Variants in CASD1 observed in about 807,000 individuals in gnomAD.
CASD1 encodes CAS1 domain sialic acid O acetyltransferase 1, also known as N-acetylneuraminate (7)9-O-acetyltransferase.
CASD1 carries 41 observed loss-of-function variants against 100.0 expected under a neutral mutation model. That is an observed-to-expected ratio of 0.41 (90% CI 0.32 to 0.53). The LOEUF (loss-of-function observed/expected upper bound fraction) is 0.53. Ranked by LOEUF, CASD1 falls within the 20% of genes least tolerant of loss-of-function variation. The pLI is 0.25. For synonymous variants in CASD1, 321 were observed against 315.6 expected, an observed-to-expected ratio of 1.02 and a Z score of -0.18; for missense variants, 774 against 948.7, an observed-to-expected ratio of 0.82 and a Z score of 2.42.
chr7:94,611,283 A>C, the CASD1 span, among the ~76,000 whole-genome samples: 1 of 152,244 alleles, frequency 6.6e-6, no homozygotes, highest in African/African-American at 2.4e-5. Context: ...AAAAGATGGC[A>C]TATCCATAAA....
intron 12 of CASD1, among the ~76,000 whole-genome samples, chr7:94,545,927 T>G (rs1166624242): frequency 6.6e-6 from 1 of 151,926 alleles, no homozygotes. Flanking sequence ...TTATATGTGT[T>G]TTTTCTTTTT....
At chr7:94,553,296 T>TA (rs778377629) in intron 16 of CASD1, 7 of 168,920 alleles carry the variant, frequency 4.1e-5, no homozygotes, top group Non-Finnish European at 6.4e-5. Context: ...TTGTTTAAAT[T>TA]AAAAAAAAGA....
At chr7:94,517,283 C>T (rs1042811752) in intron 1 of CASD1, among the ~76,000 whole-genome samples, 1 of 151,974 alleles carries the variant, frequency 6.6e-6, no homozygotes, top group African/African-American at 2.4e-5. Flanking sequence ...AGATAATGTC[C>T]CCGGAAAGAA....
At chr7:94,535,588 CATT>C in intron 8 of CASD1, 65 bp downstream of exon 8, 1 of 1,110,444 alleles carries the variant, frequency 9.0e-7, no homozygotes, top group Non-Finnish European at 1.3e-6. Flanking sequence ...AGCCATAAGT[CATT>C]ATAACATGGT....
At chr7:94,587,697 A>C in the CASD1 span, 2 of 1,532,722 alleles carry the variant, frequency 1.3e-6, no homozygotes, top group Non-Finnish European at 1.8e-6. Flanking sequence ...ATTTAATTAA[A>C]GCAAGTAATC....
intron 1 of CASD1, among the ~76,000 whole-genome samples, chr7:94,515,272 G>C (rs1793920065): frequency 6.6e-6 from 1 of 152,010 alleles, no homozygotes; most frequent in Non-Finnish European, 1.5e-5. Flanking sequence ...AAACATCTTT[G>C]TGTTATGAAA....
intron 11 of CASD1, among the ~76,000 whole-genome samples, chr7:94,545,128 A>G (rs1314068588): frequency 6.6e-6 from 1 of 152,172 alleles, no homozygotes; most frequent in Non-Finnish European, 1.5e-5. Context: ...GAGTAATACT[A>G]TTTTGTATCT....
chr7:94,625,787 T>A, the CASD1 span: 15 of 152,236 alleles, frequency 9.9e-5, no homozygotes, highest in Middle Eastern at 3.4e-3. Context: ...CTCTTGCTGA[T>A]AGACTTTTGG....
the CASD1 span, among the ~76,000 whole-genome samples, chr7:94,608,293 GCCACTGCACT>G: frequency 1.3e-5 from 2 of 152,138 alleles, no homozygotes; most frequent in Admixed American, 6.5e-5. Context: ...CCGAGATTGT[GCCACTGCACT>G]CCAGCCTGGG....
chr7:94,549,346 T>A (rs1187782034), intron 13 of CASD1, among the ~76,000 whole-genome samples, 187 bp from the exon 14 acceptor site: 2 of 151,988 alleles, frequency 1.3e-5, no homozygotes, highest in African/African-American at 4.8e-5. Flanking sequence ...TATTTTCAAA[T>A]TTTTAAAATT....
chr7:94,581,315 C>T, the CASD1 span, among the ~76,000 whole-genome samples: 3 of 152,210 alleles, frequency 2.0e-5, no homozygotes, highest in African/African-American at 7.2e-5. Context: ...AGTTGTCAGG[C>T]AAACTTCCAT....
the CASD1 span, among the ~76,000 whole-genome samples, chr7:94,593,097 GTTGTCATTGT>G: frequency 6.6e-6 from 1 of 151,994 alleles, no homozygotes; most frequent in Admixed American, 6.6e-5. Flanking sequence ...CATAAAGTTA[GTTGTCATTGT>G]GACCAAAAGC....
chr7:94,588,982 C>A, the CASD1 span: 1 of 503,296 alleles, frequency 2.0e-6, no homozygotes, highest in Admixed American at 3.2e-5. Context: ...CTCACAACAA[C>A]CCTAAGAGGT....
chr7:94,586,980 C>G, the CASD1 span: 16 of 984,084 alleles, frequency 1.6e-5, no homozygotes, highest in Non-Finnish European at 1.9e-5. Flanking sequence ...ATAATATGAT[C>G]CAAATTGCAG....
chr7:94,533,890 C>G, intron 7 of CASD1, 88 bp downstream of exon 7: 1 of 1,193,236 alleles, frequency 8.4e-7, no homozygotes. Flanking sequence ...AGCAGAATTA[C>G]TGCTTTATGA....
chr7:94,603,848 TAATA>T, the CASD1 span, among the ~76,000 whole-genome samples: 1 of 152,262 alleles, frequency 6.6e-6, no homozygotes, highest in East Asian at 1.9e-4. Context: ...ACTACTACAA[TAATA>T]AATAACTAAG....
the CASD1 span, chr7:94,600,962 G>A: frequency 2.1e-6 from 2 of 969,270 alleles, no homozygotes; most frequent in Non-Finnish European, 3.2e-6. Context: ...TATCTAAAAA[G>A]CCATCTTTTC....
chr7:94,599,967 T>G, the CASD1 span: 1 of 372,960 alleles, frequency 2.7e-6, no homozygotes, highest in African/African-American at 2.1e-5. Context: ...AGGCCTTGAT[T>G]GAAATAAATT....
intron 9 of CASD1, among the ~76,000 whole-genome samples, chr7:94,538,745 T>C (rs1795239179): frequency 2.6e-5 from 4 of 152,192 alleles, no homozygotes; most frequent in Admixed American, 2.6e-4. Context: ...CAAAATCTCT[T>C]CAGTTTATAT....
Sources: allele counts gnomAD v4.1 joint callset (sites outside exome capture counted in the v4.1 genomes callset), GRCh38; gene constraint gnomAD v4.1.1; transcripts MANE v1.5; gene names NCBI Gene and HGNC (gene_info 2026-07-23, HGNC 2026-07-21).